Variants in THSD4 observed in about 807,000 individuals in gnomAD.
THSD4 encodes thrombospondin type 1 domain containing 4.
A neutral mutation model predicts 119.0 loss-of-function variants in THSD4; 69 were observed. The observed-to-expected ratio is 0.58, with a 90% CI of 0.48 to 0.71. The LOEUF (loss-of-function observed/expected upper bound fraction) is 0.71. THSD4 is among the 30% of genes least tolerant of loss of function. THSD4 has a pLI of 0.00. For missense variants in THSD4, 1,393 were observed against 1,391.1 expected, an observed-to-expected ratio of 1.00 and a Z score of -0.02; for synonymous variants, 524 against 540.4, an observed-to-expected ratio of 0.97 and a Z score of 0.42.
chr15:71,264,836 A>G (rs2044445445), intron 6 of THSD4, among the ~76,000 whole-genome samples: 1 of 152,162 alleles, frequency 6.6e-6, no homozygotes, highest in African/African-American at 2.4e-5. Flanking sequence ...TTCTTATGTT[A>G]ATAAAGCTTA....
At chr15:71,370,891 C>G (rs989449778) in intron 6 of THSD4, among the ~76,000 whole-genome samples, 11 of 152,058 alleles carry the variant, frequency 7.2e-5, no homozygotes, top group African/African-American at 2.7e-4. Context: ...TTAAAGTCTC[C>G]CATTATTATT....
intron 7 of THSD4, among the ~76,000 whole-genome samples, chr15:71,436,540 G>C (rs992981209): frequency 2.6e-5 from 4 of 152,168 alleles, no homozygotes; most frequent in African/African-American, 7.2e-5. Flanking sequence ...CAGGTCTGGG[G>C]TTCCCTCGAA....
rs2047765054 is a variant in THSD4, at chr15:71,483,470, G to A, written c.1152+71647G>A. Among the ~76,000 whole-genome samples the A allele has an allele frequency of 2.0e-5, 3 of 152,202 alleles. 1 individual carries two copies. Among genetic ancestry groups the A allele is most frequent in the South Asian group, 4.1e-4 (2 of 4,828 alleles). On this transcript the variant is annotated intron_variant, in intron 7 of 17. Coordinates refer to ENST00000261862, the MANE Select transcript of THSD4 (RefSeq NM_024817.3). ...ATGTTCTAAAACTTGATCAAGTGGA[G>A]TGAGAGGTGGCGCTGTCTCATGAGA...
chr15:71,589,157 A>C (rs529232035), intron 7 of THSD4, among the ~76,000 whole-genome samples: 2 of 152,344 alleles, frequency 1.3e-5, no homozygotes, highest in South Asian at 4.1e-4. Context: ...GAGGTTCATT[A>C]ATGCCTTATA....
intron 8 of THSD4, among the ~76,000 whole-genome samples, chr15:71,661,520 C>T (rs928995268): frequency 1.4e-4 from 21 of 151,870 alleles, no homozygotes; most frequent in African/African-American, 4.4e-4. Flanking sequence ...CTCAGCCTCC[C>T]GAGTAGCTGG....
rs75167859 is a variant in THSD4 at position 71,461,255 on chromosome 15, A to G, written c.1152+49432A>G. Among the ~76,000 whole-genome samples, 12 of 152,344 alleles carry G rather than the reference A, an allele frequency of 7.9e-5. No homozygotes were observed. The East Asian group carries it at 2.3e-3, about 29-fold the overall frequency. ...GTAGGAGGCCTCAGATCCCTGCCAC[A>G]TGCACCTCTATAGAGCTGTTCGAGT... On this transcript the variant is annotated intron_variant, in intron 7 of 17. Coordinates refer to ENST00000261862, the MANE Select transcript of THSD4 (RefSeq NM_024817.3).
At chr15:71,109,946 T>C (rs1214621967) in intron 1 of THSD4, among the ~76,000 whole-genome samples, 1 of 152,246 alleles carries the variant, frequency 6.6e-6, no homozygotes, top group African/African-American at 2.4e-5. Context: ...CAGTGTTCAT[T>C]GGATATGCCC....
At chr15:71,752,151 C>T (rs2141182987) in intron 14 of THSD4, among the ~76,000 whole-genome samples, 1 of 152,216 alleles carries the variant, frequency 6.6e-6, no homozygotes, top group East Asian at 1.9e-4. Flanking sequence ...GGGCACAGAG[C>T]ACAATACGTA....
intron 9 of THSD4, chr15:71,729,547 A>G (rs1268996327): frequency 6.6e-6 from 1 of 152,174 alleles, no homozygotes; most frequent in African/African-American, 2.4e-5. Context: ...ACCTACACAC[A>G]GTTCTATGTC....
chr15:71,743,719 T>G (rs768141560), intron 11 of THSD4, among the ~76,000 whole-genome samples: 33 of 152,210 alleles, frequency 2.2e-4, no homozygotes, highest in Admixed American at 3.3e-4. Context: ...AAATGATCGT[T>G]TCAGATTCAA....
chr15:71,358,398 T>G (rs1272833156), intron 6 of THSD4, among the ~76,000 whole-genome samples: 2 of 152,198 alleles, frequency 1.3e-5, no homozygotes, highest in Non-Finnish European at 2.9e-5. Flanking sequence ...AGATAGGACT[T>G]GGGGCAGCCA....
intron 7 of THSD4, among the ~76,000 whole-genome samples, chr15:71,645,338 A>G (rs2050947691): frequency 1.3e-5 from 2 of 152,356 alleles, no homozygotes; most frequent in Non-Finnish European, 2.9e-5. Context: ...CCTTCTTCAC[A>G]TGATGGCAGG....
chr15:71,332,380 T>C (rs1342950456), intron 6 of THSD4, among the ~76,000 whole-genome samples: 1 of 152,212 alleles, frequency 6.6e-6, no homozygotes, highest in African/African-American at 2.4e-5. Context: ...ATGGTAAGTC[T>C]TACTTAAAGG....
chr15:71,354,587 A>G (rs1050573993), intron 6 of THSD4, among the ~76,000 whole-genome samples: 1 of 152,216 alleles, frequency 6.6e-6, no homozygotes, highest in Admixed American at 6.5e-5. Context: ...AAACAAAGCC[A>G]TTGAAGGAGC....
At chr15:71,665,629 G>T (rs911885290) in intron 8 of THSD4, among the ~76,000 whole-genome samples, 35 of 152,146 alleles carry the variant, frequency 2.3e-4, no homozygotes, top group African/African-American at 8.0e-4. Context: ...TATAGTTTTG[G>T]GTTTTACATT....
chr15:71,224,071 C>T (rs2043995502), intron 4 of THSD4, among the ~76,000 whole-genome samples: 1 of 151,990 alleles, frequency 6.6e-6, no homozygotes, highest in Non-Finnish European at 1.5e-5. Context: ...GGGAAGGCTT[C>T]GGAGGAATAA....
At chr15:71,395,737 G>C (rs755987921) in intron 6 of THSD4, among the ~76,000 whole-genome samples, 1 of 151,894 alleles carries the variant, frequency 6.6e-6, no homozygotes, top group African/African-American at 2.4e-5. Flanking sequence ...ACAAGCCCCT[G>C]TCCCCCGACT....
intron 7 of THSD4, among the ~76,000 whole-genome samples, chr15:71,621,497 A>G (rs543451420): frequency 2.4e-4 from 37 of 151,632 alleles, no homozygotes; most frequent in Middle Eastern, 6.8e-3. Context: ...CATTTTGGAG[A>G]AAAAAAAAGG....
chr15:71,608,237 A>ATAC (rs1555431558), intron 7 of THSD4, among the ~76,000 whole-genome samples: 1 of 111,624 alleles, frequency 9.0e-6, no homozygotes, highest in Non-Finnish European at 1.7e-5. Flanking sequence ...AAAAAAAAAA[A>ATAC]ATATATATAT....
Sources: gnomAD v4.1 joint callset for allele counts (sites outside exome capture counted in the v4.1 genomes callset) on GRCh38, gnomAD v4.1.1 for gene constraint, MANE v1.5 for transcripts, NCBI Gene and HGNC (gene_info 2026-07-23, HGNC 2026-07-21) for gene names.